The following GAA variants were observed in gnomAD, a reference collection of about 807,000 sequenced individuals.
GAA encodes alpha glucosidase.
GAA carries 88 observed loss-of-function variants against 103.9 expected under a neutral mutation model. That is an observed-to-expected ratio of 0.85 (90% CI 0.71 to 1.01). The LOEUF is 1.01. GAA is among the 50% of genes least tolerant of loss of function. The probability of loss-of-function intolerance (pLI) is 0.00; values close to 1 mark genes in which losing one functional copy is unlikely to be tolerated. For missense variants in GAA, 1,350 were observed against 1,305.3 expected (o/e 1.03, Z -0.53); for synonymous variants, 572 against 563.1 (o/e 1.02, Z -0.22).
At chr17:80,111,740 G>A (rs2039240810) in intron 11 of GAA, 1 of 556,536 alleles carries the variant, frequency 1.8e-6, no homozygotes, top group Non-Finnish European at 3.2e-6. Context: ...AAGTCTGGGG[G>A]TCTGCAGAGC....
At chr17:80,105,215 G>C in intron 2 of GAA, 83 bp downstream of exon 2, 1 of 1,352,810 alleles carries the variant, frequency 7.4e-7, no homozygotes, top group Non-Finnish European at 1.0e-6. Context: ...CAAGGGTGGG[G>C]TGCATGTTGC....
chr17:80,118,489 C>A, intron 18 of GAA, 132 bp downstream of exon 18: 1 of 1,417,058 alleles, frequency 7.1e-7, no homozygotes, highest in Non-Finnish European at 9.9e-7. Context: ...GCCTGGGGTC[C>A]TAGAGTGAGC....
Position 80,112,346 on chromosome 17 carries a change from G to C in GAA, c.1755-232G>C. On this transcript the variant is annotated intron_variant, in intron 12 of 19. Transcript: ENST00000302262. ...ATGCTGACAGGAGTCTGCATCAGCG[G>C]GGACCTCATGACTCCTGTGAGGCTG... is the stretch of plus-strand genomic sequence containing the variant. 5 of 644,962 alleles carry C rather than the reference G, an allele frequency of 7.8e-6. No individual in the cohort carries two copies. The South Asian group carries it at 9.4e-5, about 12-fold the overall frequency. 40.0% of individuals were successfully genotyped at this position (644,962 alleles called of 1,614,324 possible).
intron 11 of GAA, among the ~76,000 whole-genome samples, chr17:80,111,320 G>A (rs1015519415): frequency 6.6e-6 from 1 of 152,214 alleles, no homozygotes. Flanking sequence ...ACCATGCAGC[G>A]GAGACCTACC....
Position 80,105,856 on chromosome 17 carries a change from C to T in GAA, c.654C>T (p.Phe218=), listed in dbSNP as rs762830719. ...GCGTGGAGTTCTCCGAGGAGCCCTT[C>T]GGGGTGATCGTGCGCCGGCAGCTGG... ...LYSVEFSEEP[F]GVIVRRQLDG... Residue 218 remains phenylalanine, a synonymous_variant, in exon 3 of 20, where the codon TTC becomes TTT. Coordinates refer to ENST00000302262, the MANE Select transcript of GAA (RefSeq NM_000152.5). The T allele has an allele frequency of 1.6e-5, 26 of 1,605,734 alleles. No homozygotes were observed. Among genetic ancestry groups the T allele is most frequent in the Middle Eastern group, 1.7e-4 (1 of 5,754 alleles).
chr17:80,115,225 G>T (rs1370910255), intron 15 of GAA, among the ~76,000 whole-genome samples: 1 of 152,134 alleles, frequency 6.6e-6, no homozygotes, highest in Non-Finnish European at 1.5e-5. Flanking sequence ...GCTTGACGGT[G>T]CCCAGGGGTC....
rs1415372735 is a variant in GAA, at chr17:80,112,014, C to T, written c.1668C>T (p.Thr556=). The T allele has an allele frequency of 6.2e-7, 1 of 1,613,958 alleles. No individual in the cohort carries two copies. The highest frequency in any genetic ancestry group is 1.7e-5 in the Admixed American group (1 of 60,030). ...GVVGGTLQAA[T]ICASSHQFLS... The stretch of plus-strand genomic sequence containing the variant: ...TTGGGGGGACCCTCCAGGCGGCCAC[C>T]ATCTGTGCCTCCAGCCACCAGTTTC... The change falls in exon 12 of 20, where the codon ACC becomes ACT. Residue 556 remains threonine (T), a synonymous_variant. Transcript: ENST00000302262.
Position 80,108,549 on chromosome 17 carries a change from C to T in GAA, c.1136C>T (p.Ser379Phe), listed in dbSNP as rs377233099. 5 of 1,612,760 alleles carry T rather than the reference C, an allele frequency of 3.1e-6. No individual in the cohort carries two copies. Among genetic ancestry groups the T allele is most frequent in the Admixed American group, 3.3e-5 (2 of 59,966 alleles). Residue 379 changes from serine to phenylalanine, a missense_variant, in exon 7 of 20, where the codon TCC (serine) becomes TTC (phenylalanine). Ser to Phe is a radical substitution (Grantham distance 155). Coordinates refer to ENST00000302262, the MANE Select transcript of GAA (RefSeq NM_000152.5). ...TTCCACCTGTGCCGCTGGGGCTACT[C>T]CTCCACCGCTATCACCCGCCAGGTG... is the stretch of plus-strand genomic sequence containing the variant. ...LGFHLCRWGY[S>F]STAITRQVVE...
chr17:80,107,575 G>T lies in GAA; in HGVS notation c.711G>T (p.Ala237=). ...DGRVLLNTTV[A]PLFFADQFLQ... ...CCCGCAGGCTGAACACGACGGTGGC[G>T]CCCCTGTTCTTTGCGGACCAGTTCC... is the stretch of plus-strand genomic sequence containing the variant. Residue 237 remains alanine, a synonymous_variant, in exon 4 of 20, where the codon GCG becomes GCT. Transcript: ENST00000302262. 1 of 1,613,038 alleles carries T rather than the reference G, an allele frequency of 6.2e-7. No homozygotes were observed. The highest frequency in any genetic ancestry group is 1.3e-5 in the African/African-American group (1 of 74,976).
chr17:80,114,791 G>A (rs1024987195), intron 15 of GAA, among the ~76,000 whole-genome samples: 2 of 152,150 alleles, frequency 1.3e-5, no homozygotes, highest in Non-Finnish European at 2.9e-5. Context: ...TACAGCAGAA[G>A]GACTCCCTTT....
At position 80,104,933 on chromosome 17, in the gene GAA, G is replaced by C. The variant is rs754285414; in HGVS notation, c.347G>C (p.Gly116Ala). The change falls in exon 2 of 20, where the codon GGG (glycine) becomes GCG (alanine). Residue 116 changes from glycine (G) to alanine (A), a missense_variant. By Grantham distance (60) the Gly-to-Ala change is moderately conservative. Coordinates refer to ENST00000302262, the MANE Select transcript of GAA (RefSeq NM_000152.5). This position sits in a 1 kb window ranked among gnomAD's most constrained non-coding sequence, Gnocchi z 4.0. ...TGTTGCTACATCCCTGCAAAGCAGG[G>C]GCTGCAGGGAGCCCAGATGGGGCAG... is the stretch of plus-strand genomic sequence containing the variant. The part of the protein sequence containing the change: ...RGCCYIPAKQ[G>A]LQGAQMGQPW... 2 of 1,612,364 alleles carry C rather than the reference G, an allele frequency of 1.2e-6. No homozygotes were observed. The highest frequency in any genetic ancestry group is 2.2e-5 in the South Asian group (2 of 91,038).
At chr17:80,116,920 C>T in intron 15 of GAA, 48 bp from the exon 16 acceptor site, 2 of 1,610,798 alleles carry the variant, frequency 1.2e-6, no homozygotes, top group South Asian at 1.1e-5. Context: ...ATGAGCCAGC[C>T]CCATCCCATT....
chr17:80,118,731 G>A lies in GAA; in HGVS notation c.2725G>A (p.Val909Met), dbSNP rs138407065. ...LQLQKVTVLG[V>M]ATAPQQVLSN... The stretch of plus-strand genomic sequence containing the variant: ...GCTGCAGAAGGTGACTGTCCTGGGC[G>A]TGGCCACGGCGCCCCAGCAGGTCCT... The change falls in exon 19 of 20, where the codon GTG becomes ATG. Residue 909 changes from valine (V) to methionine (M), a missense_variant. By Grantham distance (21) the Val-to-Met change is conservative. Transcript: ENST00000302262. 7.2e-5 allele frequency: 116 copies of A among 1,613,318 alleles called. 1 individual carries two copies. The highest frequency in any genetic ancestry group is 2.4e-4 in the South Asian group (22 of 91,076).
intron 15 of GAA, among the ~76,000 whole-genome samples, chr17:80,115,779 G>A (rs1175733187): frequency 1.3e-5 from 2 of 152,184 alleles, no homozygotes; most frequent in African/African-American, 4.8e-5. Context: ...TAAGGTCTGT[G>A]TTCTTCATTG....
intron 13 of GAA, 77 bp from the exon 14 acceptor site, chr17:80,112,799 G>C (rs1270909697): frequency 6.3e-7 from 1 of 1,578,078 alleles, no homozygotes; most frequent in Admixed American, 1.8e-5. Flanking sequence ...CCACTTAGCA[G>C]GTGGGGCTCT....
rs151323405 is a variant in GAA at position 80,104,905 on chromosome 17, G to T, written c.319G>T (p.Gly107Cys). 6.2e-7 allele frequency: 1 copy of T among 1,612,530 alleles called. No individual in the cohort carries two copies. The highest frequency in any genetic ancestry group is 8.5e-7 in the Non-Finnish European group (1 of 1,179,834). ...CACCCAGGAACAGTGCGAGGCCCGC[G>T]GCTGTTGCTACATCCCTGCAAAGCA... Reference protein sequence around the residue: ...AITQEQCEARGCCYIPAKQGL... With the variant: ...AITQEQCEARCCCYIPAKQGL... The change falls in exon 2 of 20, where the codon GGC (glycine) becomes TGC (cysteine). Residue 107 changes from glycine to cysteine, a missense_variant. Coordinates refer to ENST00000302262, the MANE Select transcript of GAA (RefSeq NM_000152.5). The surrounding 1 kb of genome is among the most constrained non-coding windows in gnomAD (Gnocchi z 4.0).
chr17:80,109,404 G>T (rs1218439858), intron 8 of GAA, among the ~76,000 whole-genome samples: 1 of 152,246 alleles, frequency 6.6e-6, no homozygotes, highest in Non-Finnish European at 1.5e-5. Context: ...GCAGTTTGGG[G>T]GCTGGTCCAG....
At chr17:80,111,914 G>C in intron 11 of GAA, 69 bp from the exon 12 acceptor site, 1 of 1,334,388 alleles carries the variant, frequency 7.5e-7, no homozygotes, top group South Asian at 1.2e-5. Context: ...TGGGAGGTGG[G>C]GGGCAGGGAG....
At position 80,117,386 on chromosome 17, in the gene GAA, C is replaced by G. The variant is rs536424261; in HGVS notation, c.2332-214C>G. ...GCTGTGCCTGTGCTGAGCTGGCATA[C>G]CCAGGCCTCTCAGGCACTGTCCCCA... On this transcript the variant is annotated intron_variant, in intron 16 of 19. Transcript: ENST00000302262. Among the ~76,000 whole-genome samples the G allele has an allele frequency of 4.6e-5, 7 of 152,290 alleles. No homozygotes were observed. The South Asian group carries it at 1.2e-3, about 27-fold the overall frequency.
Sources: gnomAD v4.1 joint callset for allele counts (sites outside exome capture counted in the v4.1 genomes callset) on GRCh38, gnomAD v4.1.1 for gene constraint, Gnocchi (gnomAD v3.1) non-coding constraint, MANE v1.5 for transcripts, NCBI Gene and HGNC (gene_info 2026-07-23, HGNC 2026-07-21) for gene names.